Variants in SYNPR observed in about 807,000 individuals in gnomAD.
The protein encoded by SYNPR is synaptoporin.
In SYNPR, 23 loss-of-function variants were observed where a neutral mutation model predicts 32.9. That is an observed-to-expected ratio of 0.70 (90% CI 0.50 to 0.99). The LOEUF is 0.99. Ranked by LOEUF, SYNPR falls within the 50% of genes least tolerant of loss-of-function variation. The pLI, the probability that SYNPR is intolerant of heterozygous loss-of-function variation, is 0.00. For missense variants in SYNPR, 318 were observed against 349.3 expected (o/e 0.91, Z 0.71); for synonymous variants, 146 against 135.9 (o/e 1.07, Z -0.52).
At chr3:63,415,825 C>A (rs2088532670) in intron 2 of SYNPR, among the ~76,000 whole-genome samples, 1 of 152,216 alleles carries the variant, frequency 6.6e-6, no homozygotes, top group Non-Finnish European at 1.5e-5. Flanking sequence ...TGCAACACAG[C>A]TAATTTGAAT....
In SYNPR at chr3:63,566,031, C is replaced by T. The variant is rs549744123; in HGVS notation, c.408+9290C>T. On this transcript the variant is annotated intron_variant, in intron 4 of 5. Transcript: ENST00000478300. ...TCTGCTTTCTGATCTAGCTGACATC[C>T]TAGAGAGAAAAATGCTGTCAACCTC... Among the ~76,000 whole-genome samples the T allele has an allele frequency of 7.6e-4, 115 of 152,232 alleles. 1 individual carries two copies. Among genetic ancestry groups the T allele is most frequent in the African/African-American group, 2.7e-3 (113 of 41,532 alleles).
At chr3:63,229,025 A>T (rs1464282730) in intron 1 of SYNPR, among the ~76,000 whole-genome samples, 1 of 152,170 alleles carries the variant, frequency 6.6e-6, no homozygotes, top group Non-Finnish European at 1.5e-5. Context: ...TCTTTCTCCT[A>T]TGCCTCTGTT....
At chr3:63,436,059 T>G (rs1462818222) in intron 2 of SYNPR, among the ~76,000 whole-genome samples, 1 of 152,196 alleles carries the variant, frequency 6.6e-6, no homozygotes, top group Non-Finnish European at 1.5e-5. Context: ...ACATACGCCA[T>G]AAACAATTGC....
chr3:63,311,480 A>G (rs932792363), intron 2 of SYNPR, among the ~76,000 whole-genome samples: 4 of 151,988 alleles, frequency 2.6e-5, no homozygotes, highest in African/African-American at 7.2e-5. Flanking sequence ...CATTCACCCT[A>G]TTGTGAACTG....
At chr3:63,251,940 AAAAT>A (rs1234652705) in intron 1 of SYNPR, among the ~76,000 whole-genome samples, 1 of 152,096 alleles carries the variant, frequency 6.6e-6, no homozygotes, top group African/African-American at 2.4e-5. Context: ...GAGTAAAAGA[AAAAT>A]AAAGGCAATT....
intron 2 of SYNPR, among the ~76,000 whole-genome samples, chr3:63,292,681 C>T (rs936026994): frequency 2.0e-5 from 3 of 152,188 alleles, no homozygotes; most frequent in African/African-American, 7.2e-5. Context: ...AAGGTATTTT[C>T]CTTCTTTTCC....
chr3:63,361,950 A>T (rs1393900645), intron 2 of SYNPR, among the ~76,000 whole-genome samples: 1 of 152,230 alleles, frequency 6.6e-6, no homozygotes, highest in African/African-American at 2.4e-5. Flanking sequence ...AAATATTTTT[A>T]ATGTTTGCCC....
intron 3 of SYNPR, among the ~76,000 whole-genome samples, chr3:63,485,760 T>C (rs1015343466): frequency 7.9e-5 from 12 of 152,302 alleles, no homozygotes; most frequent in Non-Finnish European, 1.5e-4. Context: ...ATTTACGACC[T>C]TGGTTGAACA....
At chr3:63,456,418 G>A (rs79794393) in intron 2 of SYNPR, among the ~76,000 whole-genome samples, 1 of 152,238 alleles carries the variant, frequency 6.6e-6, no homozygotes, top group East Asian at 1.9e-4. Context: ...ATAATTTGAT[G>A]AAATTGGTCA....
intron 4 of SYNPR, among the ~76,000 whole-genome samples, chr3:63,565,047 G>A (rs909761817): frequency 1.2e-4 from 19 of 152,116 alleles, no homozygotes; most frequent in African/African-American, 4.6e-4. Context: ...TCAAGATCTT[G>A]CAGAAACTTA....
At chr3:63,313,385 C>T (rs2106955876) in intron 2 of SYNPR, among the ~76,000 whole-genome samples, 1 of 151,638 alleles carries the variant, frequency 6.6e-6, no homozygotes, top group South Asian at 2.1e-4. Context: ...TCCTCCAGGT[C>T]CCCAAAATCC....
chr3:63,266,985 T>G (rs536539349), intron 2 of SYNPR, among the ~76,000 whole-genome samples: 2 of 152,284 alleles, frequency 1.3e-5, no homozygotes, highest in East Asian at 3.9e-4. Flanking sequence ...ACTGTTAATA[T>G]AATTTTGTGG....
At chr3:63,417,915 G>A (rs749699157) in intron 2 of SYNPR, among the ~76,000 whole-genome samples, 40 of 152,298 alleles carry the variant, frequency 2.6e-4, no homozygotes, top group Non-Finnish European at 4.9e-4. Context: ...CTGCTGTGAA[G>A]CCCTCTGACA....
intron 2 of SYNPR, among the ~76,000 whole-genome samples, chr3:63,287,597 A>G (rs1344454570): frequency 6.6e-6 from 1 of 152,196 alleles, no homozygotes; most frequent in Non-Finnish European, 1.5e-5. Flanking sequence ...GACATCGGCA[A>G]TCTCCACCAA....
intron 3 of SYNPR, among the ~76,000 whole-genome samples, chr3:63,484,158 T>C (rs1044419543): frequency 1.3e-5 from 2 of 152,324 alleles, no homozygotes; most frequent in Non-Finnish European, 2.9e-5. Flanking sequence ...ACCATATGTA[T>C]GTGTTCCTGA....
intron 2 of SYNPR, among the ~76,000 whole-genome samples, chr3:63,446,280 G>GTTTTTTT (rs201372951): frequency 7.1e-6 from 1 of 140,490 alleles, no homozygotes; most frequent in South Asian, 2.3e-4. Context: ...CTCCCACCAT[G>GTTTTTTT]TTTTTTTTTT....
At chr3:63,474,883 G>A (rs1468039175) in intron 2 of SYNPR, among the ~76,000 whole-genome samples, 1 of 152,110 alleles carries the variant, frequency 6.6e-6, no homozygotes, top group Non-Finnish European at 1.5e-5. Flanking sequence ...TGCAGACCAA[G>A]CATCCCTACA....
At chr3:63,225,248 T>C (rs2086120055), upstream of SYNPR, among the ~76,000 whole-genome samples, 1 of 152,204 alleles carries the variant, frequency 6.6e-6, no homozygotes, top group Non-Finnish European at 1.5e-5. Context: ...TGGTTTAGTA[T>C]ATACACTGTG....
chr3:63,322,450 T>C (rs536219431), intron 2 of SYNPR, among the ~76,000 whole-genome samples: 1 of 152,156 alleles, frequency 6.6e-6, no homozygotes, highest in African/African-American at 2.4e-5. Context: ...AGTCACATAG[T>C]TTAGTGTGAG....
Sources: allele counts gnomAD v4.1 joint callset (sites outside exome capture counted in the v4.1 genomes callset), GRCh38; gene constraint gnomAD v4.1.1; transcripts MANE v1.5; gene names NCBI Gene and HGNC (gene_info 2026-07-23, HGNC 2026-07-21).